LDLRAD3: variants seen among roughly 807,000 people sequenced by gnomAD.
LDLRAD3 encodes the protein low-density lipoprotein receptor class A domain-containing protein 3.
In LDLRAD3, 20 loss-of-function variants were observed where a neutral mutation model predicts 29.4. That is an observed-to-expected ratio of 0.68 (90% CI 0.48 to 0.99). The LOEUF (loss-of-function observed/expected upper bound fraction) is 0.99. Among genes scored for constraint, LDLRAD3 ranks in the 50% least tolerant of loss-of-function variants. The pLI is 0.00. For synonymous variants in LDLRAD3, 157 were observed against 192.7 expected (o/e 0.81, Z 1.53); for missense variants, 420 against 454.3 (o/e 0.92, Z 0.69).
chr11:36,222,474 C>G (rs1335703788), intron 4 of LDLRAD3, among the ~76,000 whole-genome samples: 1 of 152,140 alleles, frequency 6.6e-6, no homozygotes, highest in Non-Finnish European at 1.5e-5. Flanking sequence ...CTCCCACTAG[C>G]CATGCCTGCA....
chr11:36,175,282 C>A (rs548564575), intron 4 of LDLRAD3, among the ~76,000 whole-genome samples: 2 of 152,098 alleles, frequency 1.3e-5, no homozygotes, highest in East Asian at 3.9e-4. Flanking sequence ...CATTTATCTT[C>A]TGTAATTTTT....
At chr11:36,091,813 C>T (rs141064114) in intron 3 of LDLRAD3, among the ~76,000 whole-genome samples, 82 of 152,256 alleles carry the variant, frequency 5.4e-4, no homozygotes, top group African/African-American at 1.9e-3. Flanking sequence ...CATAACATCC[C>T]AGAGGATGAA....
At chr11:36,141,434 T>C (rs1443775987) in intron 4 of LDLRAD3, among the ~76,000 whole-genome samples, 2 of 152,178 alleles carry the variant, frequency 1.3e-5, no homozygotes, top group African/African-American at 2.4e-5. Context: ...GGGGAGGATG[T>C]GGAAGCGGAT....
At chr11:35,955,515 G>A (rs1213025147) in intron 1 of LDLRAD3, among the ~76,000 whole-genome samples, 1 of 152,136 alleles carries the variant, frequency 6.6e-6, no homozygotes, top group African/African-American at 2.4e-5. Context: ...TAAAATTCAA[G>A]AGATATAAAT....
At chr11:36,118,646 A>G (rs927803273) in intron 4 of LDLRAD3, among the ~76,000 whole-genome samples, 1 of 152,124 alleles carries the variant, frequency 6.6e-6, no homozygotes, top group African/African-American at 2.4e-5. Flanking sequence ...GTCAATAAGT[A>G]TATTATTTTG....
In LDLRAD3 at chr11:36,231,274, T is replaced by C. The variant is rs950049905; in HGVS notation, c.*1877T>C. 2.0e-5 allele frequency: 3 copies of C among 151,814 alleles called. No individual in the cohort carries two copies. Among genetic ancestry groups the C allele is most frequent in the African/African-American group, 7.3e-5 (3 of 41,306 alleles). 9.4% of individuals were successfully genotyped at this position (151,814 alleles called of 1,614,324 possible). On this transcript the variant is annotated 3_prime_UTR_variant, in exon 6 of 6. Coordinates refer to ENST00000315571, the MANE Select transcript of LDLRAD3 (RefSeq NM_174902.4). ...AGGATGTTACAGAAAAGCTAGCCACTGGTATTTTGTTTTGTTTAAAAAAAA... is the reference window on the plus strand; with the variant it reads ...AGGATGTTACAGAAAAGCTAGCCACCGGTATTTTGTTTTGTTTAAAAAAAA...
rs78382838 is a variant in LDLRAD3, at chr11:36,062,084, T to C, written c.194-19569T>C. On this transcript the variant is annotated intron_variant, in intron 2 of 5. Coordinates refer to ENST00000315571, the MANE Select transcript of LDLRAD3 (RefSeq NM_174902.4). Reference sequence around the variant, plus strand: ...TCTGTAAGGTCAGTTTCATCTCCCATTTTACAGATGAGAGAGGAAAAGCCC... The same window carrying C: ...TCTGTAAGGTCAGTTTCATCTCCCACTTTACAGATGAGAGAGGAAAAGCCC... Among the ~76,000 whole-genome samples, 960 of 152,258 alleles carry C rather than the reference T, an allele frequency of 6.3e-3. 11 individuals carry two copies. Among genetic ancestry groups the C allele is most frequent in the African/African-American group, 0.022 (921 of 41,556 alleles).
chr11:36,000,202 T>C (rs1262978137), intron 1 of LDLRAD3, among the ~76,000 whole-genome samples: 2 of 150,120 alleles, frequency 1.3e-5, no homozygotes, highest in Non-Finnish European at 3.0e-5. Context: ...GTACATATTA[T>C]ATAGCATATA....
intron 1 of LDLRAD3, among the ~76,000 whole-genome samples, chr11:36,034,372 A>G (rs1169502519): frequency 6.6e-6 from 1 of 152,106 alleles, no homozygotes; most frequent in African/African-American, 2.4e-5. Flanking sequence ...TGGAGTCGCA[A>G]CTGTGGCAAT....
At position 36,081,669 on chromosome 11, in the gene LDLRAD3, A is replaced by T; in HGVS notation, c.210A>T (p.Lys70Asn). 6.2e-7 allele frequency: 1 copy of T among 1,614,238 alleles called. No individual in the cohort carries two copies. The highest frequency in any genetic ancestry group is 8.5e-7 in the Non-Finnish European group (1 of 1,180,042). The change falls in exon 3 of 6, where the codon AAA becomes AAT. Residue 70 changes from lysine to asparagine, a missense_variant. This residue lies in a region of LDLRAD3 where 224 missense variants were observed against 222.2 expected (regional missense o/e 1.01). Transcript: ENST00000315571. The part of the protein sequence containing the change: ...DEKECPKAKS[K>N]CGPTFFPCAS... ...TTCCTGCAGCCAAGGCTAAGTCGAA[A>T]TGTGGCCCAACCTTCTTCCCCTGTG...
At chr11:36,060,025 C>G (rs753218848) in intron 2 of LDLRAD3, among the ~76,000 whole-genome samples, 6 of 152,182 alleles carry the variant, frequency 3.9e-5, no homozygotes, top group Non-Finnish European at 7.3e-5. Flanking sequence ...TGATTGGCAT[C>G]TTCATTTTAC....
chr11:35,981,414 A>G (rs558125232), intron 1 of LDLRAD3, among the ~76,000 whole-genome samples: 9 of 152,164 alleles, frequency 5.9e-5, no homozygotes, highest in African/African-American at 2.2e-4. Context: ...GGCTGTGGGG[A>G]TTAAGTGGGT....
intron 4 of LDLRAD3, among the ~76,000 whole-genome samples, chr11:36,187,963 T>C (rs572566490): frequency 6.6e-6 from 1 of 152,316 alleles, no homozygotes; most frequent in Admixed American, 6.5e-5. Flanking sequence ...TCACAGTCAT[T>C]ATCCTGTTTG....
In LDLRAD3 at chr11:36,190,817, C is replaced by G. The variant is rs186562460; in HGVS notation, c.455-36268C>G. Among the ~76,000 whole-genome samples, 172 of 152,196 alleles carry G rather than the reference C, an allele frequency of 1.1e-3. 3 individuals carry two copies. Among genetic ancestry groups the G allele is most frequent in the African/African-American group, 4.0e-3 (166 of 41,526 alleles). The stretch of plus-strand genomic sequence containing the variant: ...GGCAAAAAGAAGATCCTACAAGTTT[C>G]TAGAGAGGGCATTACAAAAATAAAT... On this transcript the variant is annotated intron_variant, in intron 4 of 5. Transcript: ENST00000315571.
intron 1 of LDLRAD3, among the ~76,000 whole-genome samples, chr11:35,965,382 G>A (rs1026984020): frequency 1.3e-5 from 2 of 152,114 alleles, no homozygotes; most frequent in South Asian, 2.1e-4. Context: ...CCTTTTTCAC[G>A]GACCAGGGTG....
chr11:36,056,055 G>T (rs1255904647), intron 2 of LDLRAD3, among the ~76,000 whole-genome samples: 1 of 144,070 alleles, frequency 6.9e-6, no homozygotes, highest in Non-Finnish European at 1.5e-5. Flanking sequence ...GAGTGCAGTG[G>T]CATGATCTCA....
intron 2 of LDLRAD3, among the ~76,000 whole-genome samples, chr11:36,049,469 T>G (rs1852498296): frequency 6.6e-6 from 1 of 152,186 alleles, no homozygotes; most frequent in African/African-American, 2.4e-5. Context: ...GAATATTTTC[T>G]AAAGGTTGGG....
At chr11:36,101,097 C>A (rs1484999089) in intron 4 of LDLRAD3, among the ~76,000 whole-genome samples, 1 of 152,186 alleles carries the variant, frequency 6.6e-6, no homozygotes, top group Admixed American at 6.5e-5. Context: ...CAGCTTTGTG[C>A]CTTCCTTAGC....
chr11:35,970,492 G>T (rs981956279), intron 1 of LDLRAD3, among the ~76,000 whole-genome samples: 2 of 152,156 alleles, frequency 1.3e-5, no homozygotes, highest in Admixed American at 6.5e-5. Flanking sequence ...TGGCCCTGCC[G>T]ACACCTTGAA....
Sources: gnomAD v4.1 joint callset for allele counts (sites outside exome capture counted in the v4.1 genomes callset) on GRCh38, gnomAD v4.1.1 for gene constraint, gnomAD v4.1.1 regional missense constraint, MANE v1.5 for transcripts, NCBI Gene and HGNC (gene_info 2026-07-23, HGNC 2026-07-21) for gene names.